Variants in PARPBP observed in about 807,000 individuals in gnomAD.
The protein encoded by PARPBP is PARP1 binding protein, also known as PCNA-interacting partner.
Under a neutral mutation model 50.0 loss-of-function variants are expected in PARPBP, and 52 were observed. The observed-to-expected ratio is 1.04, with a 90% CI of 0.83 to 1.31. PARPBP has a LOEUF of 1.31. PARPBP is among the 50% of genes most tolerant of loss of function. PARPBP has a pLI of 0.00. For synonymous variants in PARPBP, 244 were observed against 232.1 expected, an observed-to-expected ratio of 1.05 and a Z score of -0.47; for missense variants, 697 against 672.0, an observed-to-expected ratio of 1.04 and a Z score of -0.41.
At chr12:102,125,588 C>A (rs1391345349) in intron 2 of PARPBP, among the ~76,000 whole-genome samples, 1 of 152,132 alleles carries the variant, frequency 6.6e-6, no homozygotes. Context: ...GCCAATACAG[C>A]TGTCTGAATA....
At chr12:102,184,329 A>T (rs1417837191) in intron 9 of PARPBP, among the ~76,000 whole-genome samples, 1 of 152,132 alleles carries the variant, frequency 6.6e-6, no homozygotes, top group Non-Finnish European at 1.5e-5. Context: ...TTGGTGTTAT[A>T]AACAATCCAA....
At chr12:102,144,042 C>T (rs553482686) in intron 2 of PARPBP, among the ~76,000 whole-genome samples, 2 of 152,106 alleles carry the variant, frequency 1.3e-5, no homozygotes, top group Admixed American at 1.3e-4. Context: ...TTTTTGATTA[C>T]CTATCATTTG....
chr12:102,150,215 A>T (rs1054524020), intron 3 of PARPBP: 1 of 454,938 alleles, frequency 2.2e-6, no homozygotes, highest in African/African-American at 2.0e-5. Context: ...TCTGCATTTT[A>T]ACCGTGGAAG....
At chr12:102,130,927 A>C (rs1259645076) in intron 2 of PARPBP, among the ~76,000 whole-genome samples, 2 of 152,202 alleles carry the variant, frequency 1.3e-5, no homozygotes, top group Non-Finnish European at 2.9e-5. Context: ...GAAGACATAC[A>C]TGTGGCCAAC....
chr12:102,182,168 A>T (rs1259748592), intron 8 of PARPBP, among the ~76,000 whole-genome samples: 1 of 152,134 alleles, frequency 6.6e-6, no homozygotes, highest in Non-Finnish European at 1.5e-5. Flanking sequence ...CAATATGTAG[A>T]ACAATATTCT....
At chr12:102,124,353 C>T (rs549520770) in intron 2 of PARPBP, among the ~76,000 whole-genome samples, 15 of 152,174 alleles carry the variant, frequency 9.9e-5, no homozygotes, top group African/African-American at 3.4e-4. Flanking sequence ...TTTAATAAGA[C>T]TTTTTTCATT....
chr12:102,153,311 C>T (rs1886458169), intron 3 of PARPBP, among the ~76,000 whole-genome samples: 1 of 152,186 alleles, frequency 6.6e-6, no homozygotes, highest in Non-Finnish European at 1.5e-5. Flanking sequence ...GGTTTGAATA[C>T]TACCTGTCTC....
chr12:102,178,875 G>A, intron 8 of PARPBP, 105 bp downstream of exon 8: 1 of 681,016 alleles, frequency 1.5e-6, no homozygotes, highest in Non-Finnish European at 2.3e-6. Context: ...AAATTGTGAA[G>A]AAAGAAAATA....
At chr12:102,123,842 G>A in intron 1 of PARPBP, 44 bp from the exon 2 acceptor site, 1 of 1,356,516 alleles carries the variant, frequency 7.4e-7, no homozygotes, top group Non-Finnish European at 1.0e-6. Context: ...TTAATTTCAG[G>A]TTAACATAAG....
At chr12:102,172,819 T>C (rs917425267) in intron 6 of PARPBP, among the ~76,000 whole-genome samples, 3 of 152,348 alleles carry the variant, frequency 2.0e-5, no homozygotes, top group African/African-American at 7.2e-5. Flanking sequence ...ATTTGAATCT[T>C]TTCCAAAACT....
At chr12:102,166,255 G>T (rs1383258650) in intron 6 of PARPBP, among the ~76,000 whole-genome samples, 1 of 152,058 alleles carries the variant, frequency 6.6e-6, no homozygotes, top group Non-Finnish European at 1.5e-5. Flanking sequence ...AATTGACAAA[G>T]ATATGAAATC....
intron 9 of PARPBP, among the ~76,000 whole-genome samples, chr12:102,189,747 G>A (rs536598045): frequency 6.6e-6 from 1 of 152,264 alleles, no homozygotes; most frequent in South Asian, 2.1e-4. Flanking sequence ...AATAAATAAT[G>A]TTGGGGAAGA....
intron 2 of PARPBP, among the ~76,000 whole-genome samples, chr12:102,132,210 C>CA (rs202066385): frequency 0.073 from 7,620 of 104,134 alleles, 301 homozygotes; most frequent in African/African-American, 0.15. Flanking sequence ...GACCCTGTCT[C>CA]AAAAAAAAAA....
At chr12:102,133,384 C>A (rs1161292154) in intron 2 of PARPBP, among the ~76,000 whole-genome samples, 2 of 151,112 alleles carry the variant, frequency 1.3e-5, no homozygotes, top group African/African-American at 4.8e-5. Flanking sequence ...ATGTTTTTTT[C>A]TGTGTCTTTA....
At chr12:102,150,839 C>A (rs1886092500) in intron 3 of PARPBP, among the ~76,000 whole-genome samples, 1 of 152,130 alleles carries the variant, frequency 6.6e-6, no homozygotes, top group African/African-American at 2.4e-5. Context: ...ATTCCCTGAC[C>A]CTCAAGCCAA....
At chr12:102,181,500 A>T (rs968578212) in intron 8 of PARPBP, among the ~76,000 whole-genome samples, 11 of 152,210 alleles carry the variant, frequency 7.2e-5, no homozygotes, top group Non-Finnish European at 1.3e-4. Context: ...AATAGTATAA[A>T]GAAATAGTAA....
intron 7 of PARPBP, 73 bp from the exon 8 acceptor site, chr12:102,178,519 G>A: frequency 1.1e-6 from 1 of 881,908 alleles, no homozygotes; most frequent in South Asian, 2.6e-5. Context: ...AGTGCCACAG[G>A]GAATTTAAAA....
intron 9 of PARPBP, among the ~76,000 whole-genome samples, chr12:102,188,603 C>A (rs756490390): frequency 6.6e-6 from 1 of 152,014 alleles, no homozygotes; most frequent in Admixed American, 6.6e-5. Context: ...TCTAGAGTTC[C>A]TTTATGTGCA....
Position 102,174,916 on chromosome 12 carries a change from A to G in PARPBP, c.822-567A>G, listed in dbSNP as rs1889108267. 4.6e-5 allele frequency among the ~76,000 whole-genome samples: 7 copies of G among 152,192 alleles called. No individual in the cohort carries two copies. In the South Asian group the frequency reaches 1.4e-3, roughly 31 times the overall value. On this transcript the variant is annotated intron_variant, in intron 6 of 10. Coordinates refer to ENST00000327680, the MANE Select transcript of PARPBP (RefSeq NM_017915.5). ...CTTGCTTAGTTTCCTCTTCCATGTAATAAAACCTTTCACTTATTAGAATGC... is the reference window on the plus strand; with the variant it reads ...CTTGCTTAGTTTCCTCTTCCATGTAGTAAAACCTTTCACTTATTAGAATGC...
Sources: gnomAD v4.1 joint callset for allele counts (sites outside exome capture counted in the v4.1 genomes callset) on GRCh38, gnomAD v4.1.1 for gene constraint, MANE v1.5 for transcripts, NCBI Gene and HGNC (gene_info 2026-07-23, HGNC 2026-07-21) for gene names.